The following SEPTIN14 variants were observed in gnomAD, a reference collection of about 807,000 sequenced individuals.
SEPTIN14 encodes the protein septin-14.
In SEPTIN14, 40 loss-of-function variants were observed where a neutral mutation model predicts 53.6. The ratio of observed to expected loss-of-function variants is 0.75; its 90% CI spans 0.58 to 0.97. The LOEUF is 0.97. Among genes scored for constraint, SEPTIN14 ranks in the 50% least tolerant of loss-of-function variants. SEPTIN14 has a pLI of 0.00. For missense variants in SEPTIN14, 471 were observed against 508.2 expected, an observed-to-expected ratio of 0.93 and a Z score of 0.70; for synonymous variants, 138 against 166.8, an observed-to-expected ratio of 0.83 and a Z score of 1.33.
intron 6 of SEPTIN14, among the ~76,000 whole-genome samples, chr7:55,826,665 A>C (rs938189885): frequency 6.6e-6 from 1 of 151,886 alleles, no homozygotes; most frequent in Non-Finnish European, 1.5e-5. Flanking sequence ...AATGTGATAT[A>C]GGGTGCCTGT....
At chr7:55,805,523 C>A in intron 8 of SEPTIN14, 133 bp from the exon 9 acceptor site, 1 of 572,944 alleles carries the variant, frequency 1.7e-6, no homozygotes, top group Non-Finnish European at 3.0e-6. Context: ...AAGACTCCAT[C>A]ATAAAAAAAT....
intron 2 of SEPTIN14, among the ~76,000 whole-genome samples, chr7:55,853,072 C>T (rs535049677): frequency 6.6e-6 from 1 of 152,116 alleles, no homozygotes; most frequent in African/African-American, 2.4e-5. Context: ...AAAAAGAGAA[C>T]CCTCTTACAC....
Position 55,810,724 on chromosome 7 carries a change from C to T in SEPTIN14, c.818-3466G>A, listed in dbSNP as rs541455028. ...AAACTCCTGACCTCAGGTGATCACC[C>T]GCCTCAGCCTCCCAAAGTGCTGGGA... On this transcript the variant is annotated intron_variant, in intron 7 of 9. Coordinates refer to ENST00000388975, the MANE Select transcript of SEPTIN14 (RefSeq NM_207366.3). 24 of 160,788 alleles carry T rather than the reference C, an allele frequency of 1.5e-4. No homozygotes were observed. In the South Asian group the frequency reaches 4.1e-3, roughly 27 times the overall value. 10.0% of individuals were successfully genotyped at this position (160,788 alleles called of 1,614,324 possible). A position where few individuals can be genotyped will look rare whatever the true frequency, so the allele number is the denominator to read the frequency against.
intron 7 of SEPTIN14, among the ~76,000 whole-genome samples, chr7:55,817,120 G>A (rs181045833): frequency 7.2e-5 from 11 of 152,198 alleles, no homozygotes; most frequent in Admixed American, 7.2e-4. Context: ...AAGTGTCCAT[G>A]AATAGATGCA....
At chr7:55,854,491 G>A (rs1350084896) in intron 2 of SEPTIN14, among the ~76,000 whole-genome samples, 1 of 151,344 alleles carries the variant, frequency 6.6e-6, no homozygotes, top group Non-Finnish European at 1.5e-5. Flanking sequence ...GTGCAGTAGT[G>A]CGATCTCGGC....
chr7:55,826,497 C>A (rs1454736562), intron 6 of SEPTIN14, among the ~76,000 whole-genome samples: 1 of 152,174 alleles, frequency 6.6e-6, no homozygotes, highest in Non-Finnish European at 1.5e-5. Context: ...GAAAAGCTGT[C>A]CTTTAAGAAT....
intron 3 of SEPTIN14, 23 bp downstream of exon 3, chr7:55,846,494 C>T: frequency 1.3e-6 from 2 of 1,537,884 alleles, no homozygotes; most frequent in Non-Finnish European, 8.8e-7. Context: ...AGGAATAATT[C>T]AAATGAGGTG....
rs200826136 is a variant in SEPTIN14, at chr7:55,795,461, A to AC, written c.*451dup. 8.6e-4 allele frequency: 122 copies of AC among 142,360 alleles called. 4 individuals carry two copies. Among genetic ancestry groups the AC allele is most frequent in the African/African-American group, 2.9e-3 (102 of 34,682 alleles). 8.8% of individuals were successfully genotyped at this position (142,360 alleles called of 1,614,324 possible). A position where few individuals can be genotyped will look rare whatever the true frequency, so the allele number is the denominator to read the frequency against. On this transcript the variant is annotated 3_prime_UTR_variant, in exon 10 of 10. Coordinates refer to ENST00000388975, the MANE Select transcript of SEPTIN14 (RefSeq NM_207366.3). The stretch of plus-strand genomic sequence containing the variant: ...CAGGATCTGCCTTCTGGGAGTTCAT[A>AC]CTTTTTTTTTTTTTTTTTTTTTTGA...
intron 7 of SEPTIN14, among the ~76,000 whole-genome samples, chr7:55,818,129 T>C (rs1276399671): frequency 1.3e-5 from 2 of 152,166 alleles, no homozygotes; most frequent in Admixed American, 1.3e-4. Flanking sequence ...CATTAAGTTT[T>C]AAGTATGCTT....
At chr7:55,816,587 A>T (rs1433972292) in intron 7 of SEPTIN14, among the ~76,000 whole-genome samples, 1 of 151,790 alleles carries the variant, frequency 6.6e-6, no homozygotes, top group Non-Finnish European at 1.5e-5. Context: ...ACCTGAGGTC[A>T]GGAGTTTGAG....
At chr7:55,847,961 T>A (rs910393846) in intron 2 of SEPTIN14, among the ~76,000 whole-genome samples, 9 of 152,138 alleles carry the variant, frequency 5.9e-5, no homozygotes, top group Non-Finnish European at 1.3e-4. Context: ...ACACATTAAA[T>A]ACCACTTTGC....
At chr7:55,815,866 G>GA (rs1476154958) in intron 7 of SEPTIN14, among the ~76,000 whole-genome samples, 2 of 152,122 alleles carry the variant, frequency 1.3e-5, no homozygotes, top group Admixed American at 1.3e-4. Flanking sequence ...CAGAAGAAAG[G>GA]AAAGTAGTAT....
intron 5 of SEPTIN14, among the ~76,000 whole-genome samples, chr7:55,837,707 C>T (rs200318827): frequency 1.3e-5 from 2 of 152,120 alleles, no homozygotes; most frequent in East Asian, 1.9e-4. Context: ...CTCAGCCTCC[C>T]GAGTAGCTGG....
chr7:55,823,888 CTTT>C (rs34934744), intron 6 of SEPTIN14, among the ~76,000 whole-genome samples: 58 of 134,340 alleles, frequency 4.3e-4, no homozygotes, highest in Admixed American at 1.4e-3. Flanking sequence ...AAGGTAAATT[CTTT>C]TTTTTTTTTT....
chr7:55,836,651 T>A (rs1447595041), intron 5 of SEPTIN14, among the ~76,000 whole-genome samples: 2 of 152,138 alleles, frequency 1.3e-5, no homozygotes, highest in African/African-American at 4.8e-5. Flanking sequence ...GGCAGGAGAA[T>A]CGCTTGAACC....
intron 5 of SEPTIN14, among the ~76,000 whole-genome samples, chr7:55,841,461 G>A (rs1298535773): frequency 6.6e-6 from 1 of 151,960 alleles, no homozygotes; most frequent in Admixed American, 6.6e-5. Context: ...AAGGCTGGGC[G>A]CAGTGGTTCA....
intron 5 of SEPTIN14, among the ~76,000 whole-genome samples, chr7:55,835,277 A>T (rs747324674): frequency 2.0e-5 from 3 of 151,780 alleles, no homozygotes; most frequent in Non-Finnish European, 4.4e-5. Context: ...ATCTTGGCTC[A>T]CTGCAAGCTC....
At chr7:55,814,334 A>G (rs767680758) in intron 7 of SEPTIN14, among the ~76,000 whole-genome samples, 25 of 152,190 alleles carry the variant, frequency 1.6e-4, no homozygotes, top group Non-Finnish European at 3.4e-4. Context: ...CCCAGAAAAC[A>G]TGACCTCACC....
chr7:55,799,620 CT>C (rs1788494934), intron 9 of SEPTIN14, among the ~76,000 whole-genome samples: 1 of 150,538 alleles, frequency 6.6e-6, no homozygotes, highest in Non-Finnish European at 1.5e-5. Flanking sequence ...GACAATTAGA[CT>C]TTTGGTCAAA....
Sources: allele counts gnomAD v4.1 joint callset (sites outside exome capture counted in the v4.1 genomes callset), GRCh38; gene constraint gnomAD v4.1.1; transcripts MANE v1.5; gene names NCBI Gene and HGNC (gene_info 2026-07-23, HGNC 2026-07-21).